Variants in BMPR1B observed in about 807,000 individuals in gnomAD.
The protein encoded by BMPR1B is bone morphogenetic protein receptor type-1B.
BMPR1B carries 12 observed loss-of-function variants against 59.1 expected under a neutral mutation model. The observed-to-expected ratio is 0.20, with a 90% confidence interval of 0.13 to 0.33. The LOEUF is 0.33. Ranked by LOEUF, BMPR1B falls within the 10% of genes least tolerant of loss-of-function variation. The probability of loss-of-function intolerance (pLI) is 1.00; values close to 1 mark genes in which losing one functional copy is unlikely to be tolerated. For missense variants in BMPR1B, 550 were observed against 610.9 expected, an observed-to-expected ratio of 0.90 and a Z score of 1.05; for synonymous variants, 237 against 207.3, an observed-to-expected ratio of 1.14 and a Z score of -1.23.
chr4:95,152,724 G>C lies in BMPR1B; in HGVS notation c.1334G>C (p.Cys445Ser). The change falls in exon 12 of 13, where the codon TGC becomes TCC. Residue 445 changes from cysteine to serine, a missense_variant. Transcript: ENST00000515059. ...PSYEDMREIV[C>S]IKKLRPSFPN... Reference sequence around the variant, plus strand: ...TATGAGGACATGAGGGAGATTGTGTGCATCAAGAAGTTACGCCCCTCATTC... The same window carrying C: ...TATGAGGACATGAGGGAGATTGTGTCCATCAAGAAGTTACGCCCCTCATTC... 6.2e-7 allele frequency: 1 copy of C among 1,607,138 alleles called. No individual in the cohort carries two copies.
At chr4:95,074,150 T>C (rs1433390238) in intron 3 of BMPR1B, among the ~76,000 whole-genome samples, 1 of 152,120 alleles carries the variant, frequency 6.6e-6, no homozygotes, top group Non-Finnish European at 1.5e-5. Flanking sequence ...CTGAAGATAC[T>C]TGGAAATCCA....
At chr4:94,784,860 A>C (rs1489455746) in intron 1 of BMPR1B, among the ~76,000 whole-genome samples, 1 of 152,174 alleles carries the variant, frequency 6.6e-6, no homozygotes, top group Non-Finnish European at 1.5e-5. Flanking sequence ...CATACAGGTC[A>C]TCTTAGCCTC....
Position 94,802,913 on chromosome 4 carries a change from G to C in BMPR1B, c.-183+44845G>C, listed in dbSNP as rs542771576. On this transcript the variant is annotated intron_variant, in intron 1 of 12. Coordinates refer to ENST00000515059, the MANE Select transcript of BMPR1B (RefSeq NM_001203.3). ...TTTTTTGTAGCTCTTCTCCAAGATG[G>C]GGAGGTATGTGGGATAGTGGGCAGG... Among the ~76,000 whole-genome samples, 4 of 152,188 alleles carry C rather than the reference G, an allele frequency of 2.6e-5. No homozygotes were observed. The East Asian group carries it at 5.8e-4, about 22-fold the overall frequency.
chr4:95,061,813 T>A (rs1449782532), intron 3 of BMPR1B, among the ~76,000 whole-genome samples: 2 of 152,142 alleles, frequency 1.3e-5, no homozygotes, highest in African/African-American at 4.8e-5. Flanking sequence ...TGGATTTGTG[T>A]CCCCACCTAA....
At chr4:94,843,893 T>A (rs6843053) in intron 1 of BMPR1B, among the ~76,000 whole-genome samples, 93,241 of 151,936 alleles carry the variant, frequency 0.61, 29,628 homozygotes, top group African/African-American at 0.78. Flanking sequence ...GGAATAATGA[T>A]GGATGACCTG....
chr4:94,773,874 A>G (rs1722275083), intron 1 of BMPR1B, among the ~76,000 whole-genome samples: 2 of 152,096 alleles, frequency 1.3e-5, no homozygotes, highest in South Asian at 2.1e-4. Context: ...AGTGTTATGC[A>G]GTTGAACTGG....
intron 4 of BMPR1B, among the ~76,000 whole-genome samples, chr4:95,105,457 G>A (rs990145511): frequency 2.0e-5 from 3 of 151,916 alleles, no homozygotes; most frequent in Admixed American, 2.0e-4. Context: ...CAGAAGGTAC[G>A]CAAAGCTGAG....
intron 1 of BMPR1B, among the ~76,000 whole-genome samples, chr4:94,799,501 A>G (rs1723321521): frequency 6.6e-6 from 1 of 151,702 alleles, no homozygotes; most frequent in African/African-American, 2.4e-5. Context: ...ACGGGGTTTC[A>G]CCATGTTGGC....
chr4:94,818,872 C>T (rs1724104804), intron 1 of BMPR1B, among the ~76,000 whole-genome samples: 4 of 152,122 alleles, frequency 2.6e-5, no homozygotes, highest in African/African-American at 7.2e-5. Flanking sequence ...TGGCTCATGC[C>T]TGTAATCTCA....
intron 2 of BMPR1B, among the ~76,000 whole-genome samples, chr4:94,926,248 A>T (rs1199459642): frequency 6.6e-6 from 1 of 151,750 alleles, no homozygotes; most frequent in Non-Finnish European, 1.5e-5. Flanking sequence ...GCACTGCAGG[A>T]TATTTGGTGC....
chr4:94,833,461 C>G (rs1448717990), intron 1 of BMPR1B, among the ~76,000 whole-genome samples: 1 of 152,162 alleles, frequency 6.6e-6, no homozygotes, highest in Non-Finnish European at 1.5e-5. Context: ...TTTCCTGATT[C>G]ATTAAGCTCC....
At chr4:95,117,786 T>A (rs2149282283) in intron 6 of BMPR1B, among the ~76,000 whole-genome samples, 1 of 152,148 alleles carries the variant, frequency 6.6e-6, no homozygotes, top group African/African-American at 2.4e-5. Context: ...ACACTCTTTC[T>A]AAAAAAATCT....
chr4:95,116,976 G>GAGCA (rs1732116220), intron 6 of BMPR1B, among the ~76,000 whole-genome samples: 1 of 152,004 alleles, frequency 6.6e-6, no homozygotes, highest in Non-Finnish European at 1.5e-5. Flanking sequence ...GAATGTAAGA[G>GAGCA]AGCACCGTGT....
At chr4:95,035,459 G>A (rs561947929) in intron 3 of BMPR1B, among the ~76,000 whole-genome samples, 2 of 152,228 alleles carry the variant, frequency 1.3e-5, no homozygotes, top group African/African-American at 4.8e-5. Context: ...TTTTGTGTAC[G>A]ATGAGAGGTG....
At chr4:95,047,935 T>C (rs1007156124) in intron 3 of BMPR1B, among the ~76,000 whole-genome samples, 1 of 152,152 alleles carries the variant, frequency 6.6e-6, no homozygotes, top group African/African-American at 2.4e-5. Context: ...TTTTCAACCC[T>C]TGGGAGCCTG....
At chr4:95,131,924 G>A (rs186423849) in intron 10 of BMPR1B, among the ~76,000 whole-genome samples, 1 of 152,286 alleles carries the variant, frequency 6.6e-6, no homozygotes, top group African/African-American at 2.4e-5. Context: ...AGAAATGTTA[G>A]AAACTAATAA....
At chr4:95,125,254 C>A in intron 8 of BMPR1B, 133 bp downstream of exon 8, 1 of 1,166,916 alleles carries the variant, frequency 8.6e-7, no homozygotes, top group Non-Finnish European at 1.2e-6. Context: ...GACATCCGAT[C>A]TCAGCTGCAG....
intron 3 of BMPR1B, among the ~76,000 whole-genome samples, chr4:95,050,279 C>G (rs1726397730): frequency 6.6e-6 from 1 of 152,134 alleles, no homozygotes; most frequent in African/African-American, 2.4e-5. Context: ...TTAATTACCA[C>G]CAACCTCCAT....
intron 10 of BMPR1B, among the ~76,000 whole-genome samples, chr4:95,135,261 G>T (rs1733683824): frequency 6.6e-6 from 1 of 152,120 alleles, no homozygotes; most frequent in Non-Finnish European, 1.5e-5. Context: ...TTTGGTTACT[G>T]TAGCCTTGTA....
Sources: gnomAD v4.1 joint callset for allele counts (sites outside exome capture counted in the v4.1 genomes callset) on GRCh38, gnomAD v4.1.1 for gene constraint, MANE v1.5 for transcripts, NCBI Gene and HGNC (gene_info 2026-07-23, HGNC 2026-07-21) for gene names.